The following RET variants were observed in gnomAD, a reference collection of about 807,000 sequenced individuals.
RET encodes ret proto-oncogene, also known as proto-oncogene tyrosine-protein kinase receptor Ret.
RET carries 19 observed loss-of-function variants against 118.3 expected under a neutral mutation model. The ratio of observed to expected loss-of-function variants is 0.16; its 90% confidence interval spans 0.11 to 0.24. RET has a LOEUF of 0.24. Among genes scored for constraint, RET ranks in the 10% least tolerant of loss-of-function variants. The pLI is 1.00. For missense variants in RET, 1,219 were observed against 1,502.1 expected, an observed-to-expected ratio of 0.81 and a Z score of 3.12; for synonymous variants, 597 against 644.1, an observed-to-expected ratio of 0.93 and a Z score of 1.11.
intron 5 of RET, among the ~76,000 whole-genome samples, chr10:43,108,798 C>A (rs1277668814): frequency 6.6e-6 from 1 of 152,194 alleles, no homozygotes; most frequent in Admixed American, 6.5e-5. Flanking sequence ...TGCACACACA[C>A]ACAGGCTGCC....
intron 12 of RET, among the ~76,000 whole-genome samples, chr10:43,117,679 G>C (rs1373136400): frequency 2.0e-5 from 3 of 152,252 alleles, no homozygotes; most frequent in Non-Finnish European, 2.9e-5. Context: ...GTGCTGGGCA[G>C]GTGATCCCTG....
intron 16 of RET, among the ~76,000 whole-genome samples, 183 bp from the exon 17 acceptor site, chr10:43,123,488 C>T (rs1838262459): frequency 6.6e-6 from 1 of 152,128 alleles, no homozygotes; most frequent in African/African-American, 2.4e-5. Flanking sequence ...AGGCAGGCAG[C>T]CCTTCCCCAC....
At position 43,077,451 on chromosome 10, in the gene RET, C is replaced by T. The variant is rs1205718317; in HGVS notation, c.73+120C>T. On this transcript the variant is annotated intron_variant, in intron 1 of 19. Coordinates refer to ENST00000355710, the MANE Select transcript of RET (RefSeq NM_020975.6). ...CGTGGGCAGCGGGCTGTGCGGTCGC[C>T]GGCCACCCGGCCTCGGCTGGGAGCG... 1.3e-5 allele frequency: 16 copies of T among 1,260,640 alleles called. No homozygotes were observed. The African/African-American group carries it at 2.2e-4, about 17-fold the overall frequency. The allele number at this position is 1,260,640 out of a possible 1,614,324, so 78.1% of individuals were successfully genotyped here.
rs199529397 is a variant in RET, at chr10:43,109,070, G to A, written c.1103G>A (p.Arg368His). Residue 368 changes from arginine to histidine, a missense_variant, in exon 6 of 20, where the codon CGC (arginine) becomes CAC (histidine). Arg to His is a conservative substitution (Grantham distance 29). Coordinates refer to ENST00000355710, the MANE Select transcript of RET (RefSeq NM_020975.6). ...CGGAACCTCTCCATCTCGGAGAACC[G>A]CACCATGCAGCTGGCGGTGCTGGTC... ...LNRNLSISENRTMQLAVLVND... is the reference protein window; with the variant it reads ...LNRNLSISENHTMQLAVLVND... 3.0e-5 allele frequency: 48 copies of A among 1,613,468 alleles called. No homozygotes were observed. The highest frequency in any genetic ancestry group is 2.7e-5 in the African/African-American group (2 of 74,872).
intron 16 of RET, among the ~76,000 whole-genome samples, chr10:43,123,204 CT>C (rs962636156): frequency 2.6e-5 from 4 of 152,244 alleles, no homozygotes; most frequent in African/African-American, 9.6e-5. Context: ...TTTTCTATAG[CT>C]TTTTTTCCTT....
chr10:43,077,413 CCTTT>C (rs1383160997), intron 1 of RET, 82 bp downstream of exon 1: 14 of 1,437,552 alleles, frequency 9.7e-6, no homozygotes, highest in Admixed American at 4.8e-5. Flanking sequence ...TTCAGAAGCG[CCTTT>C]CTGTTTGCCG....
At chr10:43,077,466 G>A (rs1314828107) in intron 1 of RET, 135 bp downstream of exon 1, 16 of 1,191,666 alleles carry the variant, frequency 1.3e-5, no homozygotes, top group Non-Finnish European at 1.7e-5. Flanking sequence ...ACCCGGCCTC[G>A]GCTGGGAGCG....
At chr10:43,109,463 G>C (rs1837866642) in intron 6 of RET, among the ~76,000 whole-genome samples, 1 of 152,096 alleles carries the variant, frequency 6.6e-6, no homozygotes, top group Admixed American at 6.5e-5. Flanking sequence ...TTCCATTCTT[G>C]GTATCTTTAA....
chr10:43,124,847 C>T (rs763430303), intron 17 of RET, 36 bp from the exon 18 acceptor site: 1 of 1,605,294 alleles, frequency 6.2e-7, no homozygotes, highest in African/African-American at 1.3e-5. Context: ...CCTGGCCCTG[C>T]TTGGATCATA....
At chr10:43,119,997 C>T in intron 14 of RET, 84 bp from the exon 15 acceptor site, 1 of 1,584,790 alleles carries the variant, frequency 6.3e-7, no homozygotes, top group Non-Finnish European at 8.6e-7. Context: ...CCACACACCA[C>T]CCCTCTGCTG....
At chr10:43,089,622 C>T (rs1206271272) in intron 1 of RET, among the ~76,000 whole-genome samples, 1 of 152,218 alleles carries the variant, frequency 6.6e-6, no homozygotes, top group Non-Finnish European at 1.5e-5. Context: ...AACCAGGGTG[C>T]TCCTGCTGTG....
At chr10:43,100,150 T>C (rs570009948) in intron 1 of RET, among the ~76,000 whole-genome samples, 3 of 152,358 alleles carry the variant, frequency 2.0e-5, no homozygotes, top group Admixed American at 2.0e-4. Context: ...CTCCTGCCCT[T>C]GAACACTCTG....
At chr10:43,115,789 C>G (rs1838057683) in intron 11 of RET, among the ~76,000 whole-genome samples, 1 of 152,222 alleles carries the variant, frequency 6.6e-6, no homozygotes, top group African/African-American at 2.4e-5. Context: ...ATTGCAGTCT[C>G]TAGAGTGTGG....
At chr10:43,098,681 G>A (rs901914171) in intron 1 of RET, among the ~76,000 whole-genome samples, 3 of 152,156 alleles carry the variant, frequency 2.0e-5, no homozygotes, top group East Asian at 1.9e-4. Context: ...CTAGGCCTCC[G>A]AAAGTATTAG....
rs754598663 is a variant in RET, at chr10:43,111,300, G to A, written c.1357G>A (p.Gly453Arg). Residue 453 changes from glycine to arginine, a missense_variant, in exon 7 of 20, where the codon GGG becomes AGG. This residue lies in a region of RET where 850 missense variants were observed against 969.6 expected (regional missense o/e 0.88). Transcript: ENST00000355710. ...HSSGANCSTLGVVTSAEDTSG... is the reference protein window; with the variant it reads ...HSSGANCSTLRVVTSAEDTSG... ...CTCTGGTGCCAACTGCAGCACGCTA[G>A]GGGTGGTCACCTCAGCCGAGGACAC... 2 of 1,614,178 alleles carry A rather than the reference G, an allele frequency of 1.2e-6. No homozygotes were observed. Among genetic ancestry groups the A allele is most frequent in the Non-Finnish European group, 1.7e-6 (2 of 1,180,042 alleles).
At position 43,121,991 on chromosome 10, in the gene RET, C is replaced by G. The variant is rs774215008; in HGVS notation, c.2776C>G (p.His926Asp). ...KWMAIESLFD[H>D]IYTTQSDVWS... is the part of the protein sequence containing the mutation. ...GATGGCAATTGAATCCCTTTTTGAT[C>G]ATATCTACACCACGCAAAGTGATGT... The change falls in exon 16 of 20, where the codon CAT becomes GAT. Residue 926 changes from histidine to aspartate, a missense_variant. Transcript: ENST00000355710. The G allele has an allele frequency of 1.8e-5, 29 of 1,613,258 alleles. No individual in the cohort carries two copies. Among genetic ancestry groups the G allele is most frequent in the African/African-American group, 5.4e-5 (4 of 74,718 alleles).
chr10:43,084,527 G>A (rs1399526339), intron 1 of RET, among the ~76,000 whole-genome samples: 3 of 152,094 alleles, frequency 2.0e-5, no homozygotes, highest in Admixed American at 1.3e-4. Flanking sequence ...GCATCTCTTC[G>A]AGCCCTCTGC....
intron 1 of RET, among the ~76,000 whole-genome samples, chr10:43,091,455 CT>C (rs1310357922): frequency 6.6e-6 from 1 of 151,954 alleles, no homozygotes; most frequent in African/African-American, 2.4e-5. Flanking sequence ...ATGGTGAAAC[CT>C]TGTCTCTACT....
In RET at chr10:43,114,374, C is replaced by A; in HGVS notation, c.1880-106C>A. 9 of 1,489,770 alleles carry A rather than the reference C, an allele frequency of 6.0e-6. No individual in the cohort carries two copies. The highest frequency in any genetic ancestry group is 8.2e-6 in the Non-Finnish European group (9 of 1,095,652). 92.3% of individuals were successfully genotyped at this position (1,489,770 alleles called of 1,614,324 possible). A position where few individuals can be genotyped will look rare whatever the true frequency, so the allele number is the denominator to read the frequency against. ...ACCTCCATGGCCACTTCCCAGCTGG[C>A]GCGGACACGGCAGGCTGGAGAGCCA... is the stretch of plus-strand genomic sequence containing the variant. On this transcript the variant is annotated intron_variant, in intron 10 of 19. Coordinates refer to ENST00000355710, the MANE Select transcript of RET (RefSeq NM_020975.6). The surrounding 1 kb of genome is among the most constrained non-coding windows in gnomAD (Gnocchi z 4.6).
Sources: allele counts gnomAD v4.1 joint callset (sites outside exome capture counted in the v4.1 genomes callset), GRCh38; gene constraint gnomAD v4.1.1; regional missense constraint gnomAD v4.1.1; non-coding constraint Gnocchi (gnomAD v3.1); transcripts MANE v1.5; gene names NCBI Gene and HGNC (gene_info 2026-07-23, HGNC 2026-07-21).